IARS2: variants seen among roughly 807,000 people sequenced by gnomAD.
The protein encoded by IARS2 is isoleucyl-tRNA synthetase 2, mitochondrial.
In IARS2, 56 loss-of-function variants were observed where a neutral mutation model predicts 126.3. The observed-to-expected ratio is 0.44, with a 90% CI of 0.36 to 0.55. IARS2 has a LOEUF of 0.55. Ranked by LOEUF, IARS2 falls within the 20% of genes least tolerant of loss-of-function variation. IARS2 has a pLI of 0.00. For missense variants in IARS2, 1,127 were observed against 1,245.9 expected (o/e 0.90, Z 1.44); for synonymous variants, 407 against 441.1 (o/e 0.92, Z 0.97).
chr1:220,100,534 C>T lies in IARS2; in HGVS notation c.435C>T (p.Ser145=). ...IANRFHMMNG[S]KIHFVPGWDC... ...ATCGATTCCATATGATGAATGGCTC[C>T]AAAATACATTTTGTGCCCGGCTGGG... The change falls in exon 3 of 23, where the codon TCC becomes TCT. Residue 145 remains serine, a synonymous_variant. Coordinates refer to ENST00000366922, the MANE Select transcript of IARS2 (RefSeq NM_018060.4). 6.2e-7 allele frequency: 1 copy of T among 1,613,004 alleles called. No individual in the cohort carries two copies. The highest frequency in any genetic ancestry group is 1.7e-5 in the Admixed American group (1 of 59,874).
intron 12 of IARS2, chr1:220,117,835 G>A (rs371511334): frequency 2.0e-4 from 104 of 520,420 alleles, no homozygotes; most frequent in African/African-American, 1.8e-3. Flanking sequence ...GTTGCGTGGT[G>A]TTAGTCGATT....
At chr1:220,144,509 G>A (rs190351471) in intron 21 of IARS2, among the ~76,000 whole-genome samples, 4 of 152,250 alleles carry the variant, frequency 2.6e-5, no homozygotes, top group African/African-American at 9.6e-5. Context: ...ATAGCTAGTA[G>A]GTATAATAGA....
At chr1:220,126,866 T>C (rs756126230) in intron 14 of IARS2, 23 bp downstream of exon 14, 1 of 1,523,574 alleles carries the variant, frequency 6.6e-7, no homozygotes, top group Non-Finnish European at 9.0e-7. Flanking sequence ...AATAGATATA[T>C]GCCGATCAAG....
intron 18 of IARS2, 126 bp from the exon 19 acceptor site, chr1:220,140,057 C>T: frequency 1.5e-6 from 1 of 666,342 alleles, no homozygotes; most frequent in South Asian, 1.6e-5. Context: ...GGAGTTCTTG[C>T]ATATTGCCTG....
At chr1:220,100,174 G>T (rs1438403876) in intron 2 of IARS2, among the ~76,000 whole-genome samples, 2 of 152,128 alleles carry the variant, frequency 1.3e-5, no homozygotes, top group Admixed American at 6.6e-5. Flanking sequence ...TTTAGTAAGG[G>T]TTTGTCAATG....
intron 15 of IARS2, among the ~76,000 whole-genome samples, chr1:220,135,451 C>T (rs970702368): frequency 7.2e-5 from 11 of 151,928 alleles, no homozygotes; most frequent in African/African-American, 2.7e-4. Context: ...GCCTCTGTCT[C>T]CCGGGTTCAA....
Position 220,107,058 on chromosome 1 carries a change from T to G in IARS2, c.1237-3T>G. On this transcript the variant is annotated splice_region_variant and splice_polypyrimidine_tract_variant and intron_variant, in intron 9 of 22. Transcript: ENST00000366922. ...TTTAATTGTTCAAAATGATACTTTA[T>G]AGGATTGTCTAGTGGACGAAGATGG... 1 of 1,578,556 alleles carries G rather than the reference T, an allele frequency of 6.3e-7. No homozygotes were observed. Among genetic ancestry groups the G allele is most frequent in the Non-Finnish European group, 8.7e-7 (1 of 1,147,554 alleles).
At chr1:220,111,960 T>C (rs920534017) in intron 11 of IARS2, among the ~76,000 whole-genome samples, 8 of 152,130 alleles carry the variant, frequency 5.3e-5, no homozygotes, top group Admixed American at 2.6e-4. Context: ...TGACGCAATA[T>C]ATTTAAGCCA....
intron 12 of IARS2, among the ~76,000 whole-genome samples, chr1:220,124,088 A>G (rs528616436): frequency 3.6e-4 from 55 of 152,366 alleles, no homozygotes; most frequent in Admixed American, 1.3e-3. Context: ...ATTAAGCTAA[A>G]GCCCCCTGCT....
chr1:220,105,179 A>G (rs764013790), intron 8 of IARS2, among the ~76,000 whole-genome samples: 1 of 152,052 alleles, frequency 6.6e-6, no homozygotes, highest in Non-Finnish European at 1.5e-5. Flanking sequence ...GGCTCAAGCA[A>G]TCTTCCTGCC....
intron 14 of IARS2, among the ~76,000 whole-genome samples, chr1:220,132,593 T>C (rs1283025853): frequency 6.7e-6 from 1 of 149,382 alleles, no homozygotes; most frequent in Non-Finnish European, 1.5e-5. Flanking sequence ...TGGCCTGATC[T>C]CATCTCACTG....
rs1460969891 is a variant in IARS2, at chr1:220,137,934, C to T, written c.2066C>T (p.Pro689Leu). The change falls in exon 17 of 23, where the codon CCT becomes CTT. Residue 689 changes from proline (P) to leucine (L), a missense_variant. By Grantham distance (98) the Pro-to-Leu change is moderately conservative. Coordinates refer to ENST00000366922, the MANE Select transcript of IARS2 (RefSeq NM_018060.4). ...VNGGQDQSKE[P>L]PYGADVLRWW... ...AATGAAAAGGATCAAAGCAAAGAGC[C>T]TCCGTATGGTGCTGATGTCCTTCGC... is the stretch of plus-strand genomic sequence containing the variant. 1.9e-6 allele frequency: 3 copies of T among 1,614,058 alleles called. No homozygotes were observed. The highest frequency in any genetic ancestry group is 2.5e-6 in the Non-Finnish European group (3 of 1,179,998).
rs376077744 is a variant in IARS2, at chr1:220,101,671, A to C, written c.551-458A>C. ...GAGCTGAGATCCGCCACTGCATGCCAACCTGGGCAACAGAGCAAGACTCCA... is the reference window on the plus strand; with the variant it reads ...GAGCTGAGATCCGCCACTGCATGCCCACCTGGGCAACAGAGCAAGACTCCA... On this transcript the variant is annotated intron_variant, in intron 3 of 22. Transcript: ENST00000366922. Among the ~76,000 whole-genome samples, 172 of 150,680 alleles carry C rather than the reference A, an allele frequency of 1.1e-3. 1 individual carries two copies. The highest frequency in any genetic ancestry group is 2.0e-3 in the Non-Finnish European group (138 of 67,868).
intron 10 of IARS2, 114 bp from the exon 11 acceptor site, chr1:220,110,672 A>G: frequency 2.6e-6 from 2 of 780,326 alleles, no homozygotes; most frequent in Middle Eastern, 3.9e-4. Flanking sequence ...CAAGGTGACT[A>G]CTCTTATTGC....
chr1:220,140,855 G>T (rs540153798), intron 19 of IARS2, among the ~76,000 whole-genome samples: 58 of 151,910 alleles, frequency 3.8e-4, no homozygotes, highest in African/African-American at 1.4e-3. Context: ...GTGGTGGCGG[G>T]TGCCTGTAGT....
chr1:220,099,532 A>G (rs1656521814), intron 2 of IARS2, among the ~76,000 whole-genome samples: 1 of 152,224 alleles, frequency 6.6e-6, no homozygotes, highest in South Asian at 2.1e-4. Context: ...ACCATTGTTT[A>G]GAGCATATAT....
intron 14 of IARS2, among the ~76,000 whole-genome samples, chr1:220,133,005 T>A (rs2102836301): frequency 6.6e-6 from 1 of 151,802 alleles, no homozygotes; most frequent in East Asian, 1.9e-4. Flanking sequence ...CCCATCACAG[T>A]TATTTCTTTT....
At chr1:220,107,562 C>G (rs1656705998) in intron 10 of IARS2, among the ~76,000 whole-genome samples, 1 of 152,174 alleles carries the variant, frequency 6.6e-6, no homozygotes, top group Admixed American at 6.6e-5. Flanking sequence ...GTCTTTCTGT[C>G]TTCCTTTACA....
Position 220,137,986 on chromosome 1 carries a change from C to T in IARS2, c.2118C>T (p.Phe706=). The change falls in exon 17 of 23, where the codon TTC becomes TTT. Residue 706 remains phenylalanine (F), a synonymous_variant. Coordinates refer to ENST00000366922, the MANE Select transcript of IARS2 (RefSeq NM_018060.4). ...LRWWVADSNV[F]TEVAIGPSVL... ...GGTGGGTAGCTGATTCCAATGTCTTCACCGAAGTTGCAATTGGCCCATCCG... is the reference window on the plus strand; with the variant it reads ...GGTGGGTAGCTGATTCCAATGTCTTTACCGAAGTTGCAATTGGCCCATCCG... 6.2e-7 allele frequency: 1 copy of T among 1,614,132 alleles called. No homozygotes were observed. Among genetic ancestry groups the T allele is most frequent in the East Asian group, 2.2e-5 (1 of 44,880 alleles).
Sources: gnomAD v4.1 joint callset for allele counts (sites outside exome capture counted in the v4.1 genomes callset) on GRCh38, gnomAD v4.1.1 for gene constraint, MANE v1.5 for transcripts, NCBI Gene and HGNC (gene_info 2026-07-23, HGNC 2026-07-21) for gene names.